GJA8: variants seen among roughly 807,000 people sequenced by gnomAD.
GJA8 encodes gap junction protein alpha 8, also known as gap junction alpha-8 protein.
A neutral mutation model predicts 15.3 loss-of-function variants in GJA8; 13 were observed. The ratio of observed to expected loss-of-function variants is 0.85; its 90% CI spans 0.55 to 1.35. The LOEUF (loss-of-function observed/expected upper bound fraction) is 1.35, where lower values mean the gene tolerates loss of function less well. Ranked by LOEUF, GJA8 falls within the 40% of genes most tolerant of loss-of-function variation. GJA8 has a pLI of 0.00. For missense variants in GJA8, 607 were observed against 553.3 expected, an observed-to-expected ratio of 1.10 and a Z score of -0.97; for synonymous variants, 304 against 238.7, an observed-to-expected ratio of 1.27 and a Z score of -2.52.
chr1:147,906,862 T>C (rs1047660817), intron 1 of GJA8, among the ~76,000 whole-genome samples: 3 of 152,192 alleles, frequency 2.0e-5, no homozygotes, highest in Admixed American at 2.0e-4. Context: ...TTAGCCTCTC[T>C]GAGCCTCAGA....
rs1651887875 is a variant in GJA8 at position 147,908,238 on chromosome 1, C to T, written c.283C>T (p.His95Tyr). ...VSTPSLMYVG[H>Y]AVHYVRMEEK... ...CACCCCGTCCCTGATGTACGTGGGG[C>T]ACGCGGTGCACTACGTCCGCATGGA... is the stretch of plus-strand genomic sequence containing the variant. The change falls in exon 2 of 2, where the codon CAC becomes TAC. Residue 95 changes from histidine to tyrosine, a missense_variant. His to Tyr is a moderately conservative substitution (Grantham distance 83, BLOSUM62 2). Transcript: ENST00000369235. 1 of 1,614,122 alleles carries T rather than the reference C, an allele frequency of 6.2e-7. No individual in the cohort carries two copies. Among genetic ancestry groups the T allele is most frequent in the African/African-American group, 1.3e-5 (1 of 74,942 alleles).
chr1:147,907,035 A>G (rs6677900), intron 1 of GJA8, among the ~76,000 whole-genome samples: 49,339 of 151,736 alleles, frequency 0.33, 8,211 homozygotes, highest in East Asian at 0.43. Context: ...ACAGGCATGC[A>G]CCACCGAGCC....
chr1:147,906,361 C>T (rs1651798326), intron 1 of GJA8, among the ~76,000 whole-genome samples: 1 of 152,240 alleles, frequency 6.6e-6, no homozygotes, highest in Admixed American at 6.5e-5. Flanking sequence ...CAGGTTTGCA[C>T]TGGATGAATG....
downstream of GJA8, among the ~76,000 whole-genome samples, chr1:147,911,978 C>T (rs1652179919): frequency 6.6e-6 from 1 of 151,790 alleles, no homozygotes; most frequent in South Asian, 2.1e-4. Context: ...CCACATTTTC[C>T]CTCTTAGTCT....
rs781886998 is a variant in GJA8 at position 147,908,475 on chromosome 1, G to A, written c.520G>A (p.Gly174Arg). 6.2e-7 allele frequency: 1 copy of A among 1,614,074 alleles called. No individual in the cohort carries two copies. The highest frequency in any genetic ancestry group is 8.5e-7 in the Non-Finnish European group (1 of 1,180,040). Residue 174 changes from glycine to arginine, a missense_variant, in exon 2 of 2, where the codon GGG becomes AGG. Transcript: ENST00000369235. ...CATCGTGGGCCACTACTTCCTGTAC[G>A]GGTTCCGGATCCTGCCTCTGTACCG... ...GFIVGHYFLY[G>R]FRILPLYRCS... is the part of the protein sequence containing the mutation.
chr1:147,905,858 G>T (rs1240559537), intron 1 of GJA8, among the ~76,000 whole-genome samples: 2 of 152,226 alleles, frequency 1.3e-5, no homozygotes, highest in African/African-American at 4.8e-5. Context: ...CCCAATGCCA[G>T]ACCCATGACT....
At chr1:147,907,818 A>G (rs782296630) in intron 1 of GJA8, 127 bp from the exon 2 acceptor site, 3 of 743,164 alleles carry the variant, frequency 4.0e-6, no homozygotes, top group Non-Finnish European at 7.3e-6. Context: ...CACTGGATAG[A>G]CGCTGTGTGC....
intron 1 of GJA8, among the ~76,000 whole-genome samples, chr1:147,903,985 G>T (rs1317592081): frequency 6.8e-6 from 1 of 146,182 alleles, no homozygotes; most frequent in Non-Finnish European, 1.5e-5. Context: ...AGGCTGGAGT[G>T]CAGTGGTGTG....
intron 1 of GJA8, among the ~76,000 whole-genome samples, chr1:147,904,501 G>C (rs1424599893): frequency 2.6e-5 from 4 of 152,120 alleles, no homozygotes; most frequent in Non-Finnish European, 5.9e-5. Context: ...TGGACACCCT[G>C]GGGTTGGAGG....
chr1:147,905,064 G>A (rs970026006), intron 1 of GJA8, among the ~76,000 whole-genome samples: 2 of 152,144 alleles, frequency 1.3e-5, no homozygotes, highest in African/African-American at 2.4e-5. Flanking sequence ...AGAGCAGCTG[G>A]TTGGGGATCA....
In GJA8 at chr1:147,909,205, G is replaced by A. The variant is rs1651986018; in HGVS notation, c.1250G>A (p.Ser417Asn). 1.3e-6 allele frequency: 2 copies of A among 1,592,160 alleles called. No individual in the cohort carries two copies. Among genetic ancestry groups the A allele is most frequent in the Non-Finnish European group, 1.7e-6 (2 of 1,166,946 alleles). Residue 417 changes from serine to asparagine, a missense_variant, in exon 2 of 2, where the codon AGC becomes AAC. Coordinates refer to ENST00000369235, the MANE Select transcript of GJA8 (RefSeq NM_005267.5). ...ELTTDDARPLSRLSKASSRAR... is the reference protein window; with the variant it reads ...ELTTDDARPLNRLSKASSRAR... ...ACAACAGATGATGCCAGACCCCTGA[G>A]CAGGCTAAGCAAAGCCAGCAGCCGA... is the stretch of plus-strand genomic sequence containing the variant.
rs1651867472 is a variant in GJA8, at chr1:147,907,984, T to C, written c.29T>C (p.Ile10Thr). Residue 10 changes from isoleucine (I) to threonine (T), a missense_variant, in exon 2 of 2, where the codon ATC becomes ACC. Physicochemically the swap from Ile to Thr is moderately conservative, Grantham distance 89 (BLOSUM62 -1). Transcript: ENST00000369235. ...GGCGACTGGAGTTTCCTGGGGAACA[T>C]CTTGGAGGAGGTGAATGAGCACTCC... The part of the protein sequence containing the change: MGDWSFLGN[I>T]LEEVNEHSTV... The C allele has an allele frequency of 6.2e-7, 1 of 1,613,934 alleles. No individual in the cohort carries two copies. Among genetic ancestry groups the C allele is most frequent in the Admixed American group, 1.7e-5 (1 of 60,004 alleles).
chr1:147,914,030 A>ACC (rs1652283785), downstream of GJA8, among the ~76,000 whole-genome samples: 1 of 152,130 alleles, frequency 6.6e-6, no homozygotes, highest in South Asian at 2.1e-4. Flanking sequence ...GGAAAGAAAA[A>ACC]CTTTTATGAA....
chr1:147,908,197 A>G lies in GJA8; in HGVS notation c.242A>G (p.Gln81Arg), dbSNP rs2149015529. ...TCCCACATTCGCCTCTGGGTGCTGC[A>G]GATCATCTTCGTCTCCACCCCGTCC... ...PISHIRLWVL[Q>R]IIFVSTPSLM... Residue 81 changes from glutamine (Q) to arginine (R), a missense_variant, in exon 2 of 2, where the codon CAG (glutamine) becomes CGG (arginine). Physicochemically the swap from Gln to Arg is conservative, Grantham distance 43. Coordinates refer to ENST00000369235, the MANE Select transcript of GJA8 (RefSeq NM_005267.5). The G allele has an allele frequency of 6.2e-7, 1 of 1,614,222 alleles. No individual in the cohort carries two copies. Among genetic ancestry groups the G allele is most frequent in the Non-Finnish European group, 8.5e-7 (1 of 1,180,038 alleles).
downstream of GJA8, among the ~76,000 whole-genome samples, chr1:147,913,452 T>C (rs1269805185): frequency 6.6e-6 from 1 of 152,182 alleles, no homozygotes; most frequent in African/African-American, 2.4e-5. Flanking sequence ...CAAGAATTGG[T>C]TGCTGAAAGA....
downstream of GJA8, among the ~76,000 whole-genome samples, chr1:147,912,776 A>G (rs1230517382): frequency 6.6e-6 from 1 of 152,120 alleles, no homozygotes; most frequent in East Asian, 1.9e-4. Context: ...ATCACTTGAT[A>G]GCAGTTCTAA....
At chr1:147,905,796 G>A (rs1044900999) in intron 1 of GJA8, among the ~76,000 whole-genome samples, 6 of 152,182 alleles carry the variant, frequency 3.9e-5, no homozygotes, top group East Asian at 1.9e-4. Flanking sequence ...TTCCGATTCC[G>A]AGCTGCTGGG....
downstream of GJA8, among the ~76,000 whole-genome samples, chr1:147,913,450 G>T (rs1218976115): frequency 2.6e-5 from 4 of 152,182 alleles, no homozygotes; most frequent in Admixed American, 6.5e-5. Flanking sequence ...CGCAAGAATT[G>T]GTTGCTGAAA....
rs115869726 is a variant in GJA8 at position 147,905,331 on chromosome 1, A to C, written c.-12+2470A>C. On this transcript the variant is annotated intron_variant, in intron 1 of 1. Coordinates refer to ENST00000369235, the MANE Select transcript of GJA8 (RefSeq NM_005267.5). ...AGGCCAAAATGGTTCCTGCCCTCCA[A>C]AACCTTTTGATACTAAAGGGGGGAA... 4.8e-3 allele frequency among the ~76,000 whole-genome samples: 728 copies of C among 152,306 alleles called. 3 individuals are homozygous for C. The highest frequency in any genetic ancestry group is 0.027 in the Middle Eastern group (8 of 292).
Sources: gnomAD v4.1 joint callset for allele counts (sites outside exome capture counted in the v4.1 genomes callset) on GRCh38, gnomAD v4.1.1 for gene constraint, MANE v1.5 for transcripts, NCBI Gene and HGNC (gene_info 2026-07-23, HGNC 2026-07-21) for gene names.